CFAP184: variants seen among roughly 807,000 people sequenced by gnomAD.
CFAP184 encodes cilia- and flagella-associated protein 184.
At chr4:7,040,959 C>G in the CFAP184 span, 1 of 280,800 alleles carries the variant, frequency 3.6e-6, no homozygotes, top group South Asian at 9.8e-5. Context: ...GAACAGTACT[C>G]TTTAGTATTA....
At chr4:7,042,810 C>A in the CFAP184 span, 1 of 1,563,894 alleles carries the variant, frequency 6.4e-7, no homozygotes, top group Non-Finnish European at 8.6e-7. Context: ...GCTCCGACTC[C>A]AGCTCCCCGG....
At chr4:7,042,339 G>A in the CFAP184 span, 1 of 1,606,824 alleles carries the variant, frequency 6.2e-7, no homozygotes, top group Non-Finnish European at 8.5e-7. Context: ...TTCCATAGAG[G>A]CGCTTCCCCT....
chr4:7,042,992 C>G, the CFAP184 span: 1 of 1,379,758 alleles, frequency 7.2e-7, no homozygotes, highest in Non-Finnish European at 9.4e-7. Flanking sequence ...GTTAGGTTTC[C>G]CGGGGCAACA....
chr4:7,042,394 C>T, the CFAP184 span: 156 of 1,612,122 alleles, frequency 9.7e-5, no homozygotes, highest in Non-Finnish European at 1.3e-4. Context: ...CCTCTCCTTG[C>T]TCTCCGCGCC....
At chr4:7,041,470 G>C in the CFAP184 span, 1 of 1,614,186 alleles carries the variant, frequency 6.2e-7, no homozygotes, top group East Asian at 2.2e-5. Flanking sequence ...GATGTTGTCC[G>C]TCCGCAGCCC....
chr4:7,041,913 C>G, the CFAP184 span: 1 of 1,612,760 alleles, frequency 6.2e-7, no homozygotes, highest in South Asian at 1.1e-5. Flanking sequence ...GACAGCTGCC[C>G]ATGGCCTGCA....
At chr4:7,041,419 A>G in the CFAP184 span, 2 of 1,614,234 alleles carry the variant, frequency 1.2e-6, no homozygotes, top group East Asian at 2.2e-5. Context: ...GTCCCGAAGA[A>G]GTGAGTCCTT....
chr4:7,041,280 G>C, the CFAP184 span: 3 of 1,593,670 alleles, frequency 1.9e-6, no homozygotes, highest in African/African-American at 2.7e-5. Flanking sequence ...GTCAAGAAGG[G>C]AGAAAGGCTT....
At chr4:7,041,459 T>C in the CFAP184 span, 1 of 1,614,218 alleles carries the variant, frequency 6.2e-7, no homozygotes, top group Non-Finnish European at 8.5e-7. Context: ...TGATTCAGTC[T>C]GATGTTGTCC....
the CFAP184 span, chr4:7,041,666 G>A: frequency 1.1e-5 from 17 of 1,614,166 alleles, no homozygotes; most frequent in East Asian, 3.3e-4. Context: ...TCCTCATTTC[G>A]TTCCTCAATT....
At chr4:7,041,041 A>G in the CFAP184 span, 2 of 482,338 alleles carry the variant, frequency 4.1e-6, no homozygotes, top group East Asian at 6.5e-5. Context: ...AGTTACATTA[A>G]ATCACCCTTT....
chr4:7,042,830 A>G, the CFAP184 span: 1 of 1,572,056 alleles, frequency 6.4e-7, no homozygotes, highest in South Asian at 1.2e-5. Context: ...GGTTCGGGAG[A>G]GGTCGGAGGG....
At chr4:7,042,633 C>A in the CFAP184 span, 11 of 1,489,454 alleles carry the variant, frequency 7.4e-6, no homozygotes, top group Admixed American at 1.1e-4. Flanking sequence ...CAGCCCCAAC[C>A]TCGGCCGGCT....
chr4:7,042,866 G>T, the CFAP184 span: 17 of 1,570,120 alleles, frequency 1.1e-5, no homozygotes, highest in Non-Finnish European at 1.4e-5. Flanking sequence ...ATCTTGGACG[G>T]CCGCGCGGCC....
At chr4:7,041,083 C>T in the CFAP184 span, 2 of 796,822 alleles carry the variant, frequency 2.5e-6, no homozygotes, top group Non-Finnish European at 1.8e-6. Flanking sequence ...TTTGCTCAAT[C>T]CCAGATAAAA....
the CFAP184 span, chr4:7,041,891 C>T: frequency 1.9e-6 from 3 of 1,612,006 alleles, no homozygotes; most frequent in East Asian, 2.2e-5. Flanking sequence ...GCCTGGCGCC[C>T]GCCCCTCATC....
chr4:7,042,968 C>T, the CFAP184 span: 12 of 1,398,496 alleles, frequency 8.6e-6, no homozygotes, highest in Admixed American at 2.7e-5. Context: ...CGCAGCGGAC[C>T]CCGGCAGGAC....
At chr4:7,042,509 G>A in the CFAP184 span, 4 of 1,608,744 alleles carry the variant, frequency 2.5e-6, no homozygotes, top group East Asian at 6.7e-5. Context: ...GTCAGCGGCA[G>A]AGAGGCCTGG....
the CFAP184 span, chr4:7,041,984 T>G: frequency 2.5e-6 from 4 of 1,612,436 alleles, no homozygotes; most frequent in Non-Finnish European, 3.4e-6. Context: ...CTGGTGAGCT[T>G]CTCCTGGCAC....
Sources: gnomAD v4.1 joint callset for allele counts on GRCh38, gnomAD v4.1.1 for gene constraint, MANE v1.5 for transcripts, NCBI Gene and HGNC (gene_info 2026-07-23, HGNC 2026-07-21) for gene names.